MYO5C: variants seen among roughly 807,000 people sequenced by gnomAD.
MYO5C encodes the protein myosin VC, also known as unconventional myosin-Vc.
Under a neutral mutation model 235.7 loss-of-function variants are expected in MYO5C, and 194 were observed. That is an observed-to-expected ratio of 0.82 (90% CI 0.73 to 0.93). The LOEUF (loss-of-function observed/expected upper bound fraction) is 0.93, where lower values mean the gene tolerates loss of function less well. Among genes scored for constraint, MYO5C ranks in the 40% least tolerant of loss-of-function variants. The pLI, the probability that MYO5C is intolerant of heterozygous loss-of-function variation, is 0.00. For synonymous variants in MYO5C, 707 were observed against 754.8 expected (o/e 0.94, Z 1.04); for missense variants, 2,038 against 2,127.2 (o/e 0.96, Z 0.82).
chr15:52,295,540 C>A, intron 1 of MYO5C, 70 bp downstream of exon 1: 1 of 1,480,836 alleles, frequency 6.8e-7, no homozygotes, highest in Non-Finnish European at 9.0e-7. Context: ...GGCCCGGGCG[C>A]CAGGTCGAGT....
chr15:52,219,673 A>C, intron 31 of MYO5C, 86 bp downstream of exon 31: 1 of 1,065,736 alleles, frequency 9.4e-7, no homozygotes, highest in South Asian at 1.4e-5. Context: ...GCTTTTTGGC[A>C]TTAGTAACAC....
At chr15:52,212,376 C>A (rs1381647482) in intron 34 of MYO5C, among the ~76,000 whole-genome samples, 1 of 152,000 alleles carries the variant, frequency 6.6e-6, no homozygotes, top group Non-Finnish European at 1.5e-5. Context: ...AGAGAGAAAT[C>A]TTACAAAAAA....
At chr15:52,285,319 G>A (rs1302459503) in intron 1 of MYO5C, among the ~76,000 whole-genome samples, 1 of 151,738 alleles carries the variant, frequency 6.6e-6, no homozygotes, top group African/African-American at 2.4e-5. Flanking sequence ...AGTGAGCCGA[G>A]ATCGCACCAC....
Position 52,205,016 on chromosome 15 carries a change from A to G in MYO5C, c.4669T>C (p.Tyr1557His), listed in dbSNP as rs1232195538. 6.2e-7 allele frequency: 1 copy of G among 1,614,200 alleles called. No individual in the cohort carries two copies. Among genetic ancestry groups the G allele is most frequent in the Admixed American group, 1.7e-5 (1 of 60,030 alleles). ...TMTSVLQQLS[Y>H]FYTTMCQNGL... ...TTCTGGCACATGGTGGTGTAAAAGT[A>G]GCTCAGCTGTTGCAGGACGGAGGTC... The change falls in exon 38 of 41, where the codon TAC becomes CAC. Residue 1557 changes from tyrosine to histidine, a missense_variant. Coordinates refer to ENST00000261839, the MANE Select transcript of MYO5C (RefSeq NM_018728.4).
At position 52,205,845 on chromosome 15, in the gene MYO5C, A is replaced by T; in HGVS notation, c.4508T>A (p.Ile1503Lys). Reference sequence around the variant, plus strand: ...TATCGGTTGGATATTCTTTTCCATTATGATAATAAATTGATGATATATTCG... The same window carrying T: ...TATCGGTTGGATATTCTTTTCCATTTTGATAATAAATTGATGATATATTCG... ...AIRIYHQFII[I>K]MEKNIQPIIV... Residue 1503 changes from isoleucine (I) to lysine (K), a missense_variant, in exon 37 of 41, where the codon ATA (isoleucine) becomes AAA (lysine). Ile to Lys is a moderately radical substitution (Grantham distance 102). Coordinates refer to ENST00000261839, the MANE Select transcript of MYO5C (RefSeq NM_018728.4). 1 of 1,576,270 alleles carries T rather than the reference A, an allele frequency of 6.3e-7. No individual in the cohort carries two copies. Among genetic ancestry groups the T allele is most frequent in the Non-Finnish European group, 8.7e-7 (1 of 1,155,474 alleles).
intron 38 of MYO5C, 124 bp downstream of exon 38, chr15:52,204,741 C>T: frequency 2.5e-6 from 3 of 1,202,708 alleles, no homozygotes; most frequent in East Asian, 2.5e-5. Flanking sequence ...AATATCCCTA[C>T]AGCAGTAGGG....
At chr15:52,198,073 C>T (rs983848252) in intron 38 of MYO5C, among the ~76,000 whole-genome samples, 15 of 152,070 alleles carry the variant, frequency 9.9e-5, no homozygotes, top group Non-Finnish European at 1.9e-4. Context: ...TGGCTCACGC[C>T]TATAATCCCA....
intron 12 of MYO5C, among the ~76,000 whole-genome samples, chr15:52,252,564 A>G (rs1298673536): frequency 6.6e-6 from 1 of 152,068 alleles, no homozygotes; most frequent in African/African-American, 2.4e-5. Flanking sequence ...TCACGAGGTC[A>G]GGAGATCCAG....
Position 52,232,606 on chromosome 15 carries a change from A to C in MYO5C, c.3026+16T>G. 1 of 1,613,140 alleles carries C rather than the reference A, an allele frequency of 6.2e-7. No individual in the cohort carries two copies. Among genetic ancestry groups the C allele is most frequent in the African/African-American group, 1.3e-5 (1 of 75,010 alleles). On this transcript the variant is annotated intron_variant, in intron 24 of 40. Coordinates refer to ENST00000261839, the MANE Select transcript of MYO5C (RefSeq NM_018728.4). Reference sequence around the variant, plus strand: ...AGAAGAAAGAAAGTAGCTTTAAGGCAAACTAGATTCCATACATTCTTTGCC... The same window carrying C: ...AGAAGAAAGAAAGTAGCTTTAAGGCCAACTAGATTCCATACATTCTTTGCC...
At chr15:52,241,957 C>T (rs2036234429) in intron 20 of MYO5C, 91 bp downstream of exon 20, 15 of 1,371,134 alleles carry the variant, frequency 1.1e-5, no homozygotes, top group Non-Finnish European at 1.2e-5. Context: ...AGTGAGGTTG[C>T]CCATAGTGAA....
At position 52,196,295 on chromosome 15, in the gene MYO5C, G is replaced by A. The variant is rs1049409186; in HGVS notation, c.4995+14C>T. ...CAGGGAAGAGCCAGGGAGACACTAA[G>A]CAAGCCTGGTCACCTGCACAGCAGA... is the stretch of plus-strand genomic sequence containing the variant. On this transcript the variant is annotated intron_variant, in intron 39 of 40. Transcript: ENST00000261839. The A allele has an allele frequency of 6.3e-7, 1 of 1,590,226 alleles. No individual in the cohort carries two copies. The highest frequency in any genetic ancestry group is 1.2e-5 in the South Asian group (1 of 85,968).
rs763907167 is a variant in MYO5C, at chr15:52,235,659, C to G, written c.2962+11G>C. The G allele has an allele frequency of 4.3e-5, 68 of 1,599,354 alleles. No individual in the cohort carries two copies. Among genetic ancestry groups the G allele is most frequent in the Non-Finnish European group, 5.3e-5 (62 of 1,171,072 alleles). On this transcript the variant is annotated intron_variant, in intron 23 of 40. Coordinates refer to ENST00000261839, the MANE Select transcript of MYO5C (RefSeq NM_018728.4). ...CAGTGAATGTCTGGATTTGTGCCCC[C>G]CAAGCTTTACCTTTTAACTCTTCAG...
At chr15:52,204,712 G>A (rs911711510) in intron 38 of MYO5C, among the ~76,000 whole-genome samples, 153 bp downstream of exon 38, 1 of 152,046 alleles carries the variant, frequency 6.6e-6, no homozygotes, top group African/African-American at 2.4e-5. Context: ...CAGCATCCCG[G>A]GGCTCCTAGG....
In MYO5C at chr15:52,242,247, C is replaced by T. The variant is rs184273783; in HGVS notation, c.2391-34G>A. On this transcript the variant is annotated intron_variant, in intron 19 of 40. Transcript: ENST00000261839. Reference sequence around the variant, plus strand: ...ACAAGGATGAAGAGTGAGTCTGTTACCCACAGAGCATCAACTTCCATAACA... The same window carrying T: ...ACAAGGATGAAGAGTGAGTCTGTTATCCACAGAGCATCAACTTCCATAACA... 4.7e-4 allele frequency: 745 copies of T among 1,582,722 alleles called. 2 individuals are homozygous for T. The highest frequency in any genetic ancestry group is 5.6e-4 in the Non-Finnish European group (654 of 1,164,190).
Position 52,237,623 on chromosome 15 carries a change from C to T in MYO5C, c.2727G>A (p.Val909=). Residue 909 remains valine, a synonymous_variant, in exon 22 of 41, where the codon GTG becomes GTA. Coordinates refer to ENST00000261839, the MANE Select transcript of MYO5C (RefSeq NM_018728.4). ...GAGCAGCCAGGCTAGTCAGCTTCTCCACCAGCCCATGGTTTTCTTTGTTCT... is the reference window on the plus strand; with the variant it reads ...GAGCAGCCAGGCTAGTCAGCTTCTCTACCAGCCCATGGTTTTCTTTGTTCT... ...EDQNKENHGL[V]EKLTSLAALR... The T allele has an allele frequency of 6.2e-7, 1 of 1,613,516 alleles. No individual in the cohort carries two copies. The highest frequency in any genetic ancestry group is 1.1e-5 in the South Asian group (1 of 90,994).
At chr15:52,252,819 A>C (rs2036502312) in intron 12 of MYO5C, among the ~76,000 whole-genome samples, 1 of 151,494 alleles carries the variant, frequency 6.6e-6, no homozygotes, top group African/African-American at 2.4e-5. Flanking sequence ...ATTAATCCTC[A>C]CTTTGGGATT....
intron 24 of MYO5C, 146 bp downstream of exon 24, chr15:52,232,476 C>G: frequency 1.3e-6 from 1 of 743,110 alleles, no homozygotes; most frequent in Non-Finnish European, 2.3e-6. Flanking sequence ...GAACTTAGCT[C>G]TCATAAATCT....
intron 19 of MYO5C, among the ~76,000 whole-genome samples, chr15:52,243,886 G>T: frequency 6.6e-6 from 1 of 152,172 alleles, no homozygotes; most frequent in South Asian, 2.1e-4. Flanking sequence ...CCTGCTTAGG[G>T]GTTCTGTGAT....
Position 52,256,577 on chromosome 15 carries a change from A to ACG in MYO5C, c.1395+61_1395+62insCG, listed in dbSNP as rs1180212762. On this transcript the variant is annotated intron_variant, in intron 11 of 40. Transcript: ENST00000261839. ...TCTTTCCACGAACACACACACACAC[A>ACG]CACACACACACGCGCGCGCGCGCGG... The ACG allele has an allele frequency of 3.3e-6, 3 of 918,896 alleles. No homozygotes were observed. The Admixed American group carries it at 7.9e-5, about 24-fold the overall frequency. 56.9% of individuals were successfully genotyped at this position (918,896 alleles called of 1,614,324 possible).
Sources: gnomAD v4.1 joint callset for allele counts (sites outside exome capture counted in the v4.1 genomes callset) on GRCh38, gnomAD v4.1.1 for gene constraint, MANE v1.5 for transcripts, NCBI Gene and HGNC (gene_info 2026-07-23, HGNC 2026-07-21) for gene names.